NEB: variants seen among roughly 807,000 people sequenced by gnomAD.
The protein encoded by NEB is nebulin, also known as nemaline myopathy type 2.
Under a neutral mutation model 952.2 loss-of-function variants are expected in NEB, and 512 were observed. That is an observed-to-expected ratio of 0.54 (90% CI 0.50 to 0.58). The LOEUF is 0.58. NEB is among the 20% of genes least tolerant of loss of function. The pLI, the probability that NEB is intolerant of heterozygous loss-of-function variation, is 0.00. For synonymous variants in NEB, 2,900 were observed against 3,149.8 expected (o/e 0.92, Z 2.66); for missense variants, 8,428 against 9,231.1 (o/e 0.91, Z 3.56).
At chr2:151,507,884 C>T in intron 162 of NEB, 121 bp downstream of exon 162, 1 of 678,016 alleles carries the variant, frequency 1.5e-6, no homozygotes, top group Non-Finnish European at 2.6e-6. Flanking sequence ...TTTCCTGGGG[C>T]AGGATGGGAG....
chr2:151,568,960 CATT>C (rs1183243033), intron 110 of NEB, among the ~76,000 whole-genome samples: 2 of 152,150 alleles, frequency 1.3e-5, no homozygotes, highest in East Asian at 3.8e-4. Flanking sequence ...TATAATGTAT[CATT>C]ATGTGTACTG....
chr2:151,623,874 C>CA (rs1231296866), intron 71 of NEB, among the ~76,000 whole-genome samples: 6 of 151,570 alleles, frequency 4.0e-5, no homozygotes, highest in African/African-American at 1.2e-4. Context: ...GGCTTCAGGC[C>CA]AAAAAAATAG....
chr2:151,728,085 C>T (rs908254767), intron 4 of NEB, among the ~76,000 whole-genome samples, 179 bp from the exon 5 acceptor site: 1 of 152,182 alleles, frequency 6.6e-6, no homozygotes, highest in Non-Finnish European at 1.5e-5. Flanking sequence ...ACATTATGTA[C>T]ACAAATCTGA....
At position 151,541,532 on chromosome 2, in the gene NEB, C is replaced by T; in HGVS notation, c.20597G>A (p.Gly6866Asp). The change falls in exon 136 of 182, where the codon GGC becomes GAC. Residue 6866 changes from glycine to aspartate, a missense_variant. Physicochemically the swap from Gly to Asp is moderately conservative, Grantham distance 94. This residue lies in a region of NEB where 3,374 missense variants were observed against 3,651.5 expected (regional missense o/e 0.92). Transcript: ENST00000397345. ...AGTAAAGATTGACTTCTGCTTCTTG[C>T]CTGCAGCTCTGTAGACCAGCTAGAC... ...HLSELVYRAA[G>D]KKQKSIFTSV... is the part of the protein sequence containing the mutation. 6.2e-7 allele frequency: 1 copy of T among 1,613,392 alleles called. No homozygotes were observed. The highest frequency in any genetic ancestry group is 1.1e-5 in the South Asian group (1 of 91,006).
chr2:151,562,629 G>A lies in NEB; in HGVS notation c.18873C>T (p.Ala6291=), dbSNP rs1469916121. ...ATCATACATCACTCAAGATCTCCTG[G>A]GCGTTTCGGACGCGTATAACATTGG... ...EEPNVIRVRN[A]QEILSDNVYK... Residue 6291 remains alanine, a synonymous_variant, in exon 120 of 182, where the codon GCC becomes GCT. Transcript: ENST00000397345. 6.3e-7 allele frequency: 1 copy of A among 1,577,670 alleles called. No homozygotes were observed. The highest frequency in any genetic ancestry group is 1.7e-5 in the Admixed American group (1 of 59,112).
chr2:151,560,122 C>G (rs1346537623), intron 124 of NEB, among the ~76,000 whole-genome samples: 1 of 152,014 alleles, frequency 6.6e-6, no homozygotes, highest in Non-Finnish European at 1.5e-5. Context: ...AAAGTTCTAC[C>G]TAAAAAAGGA....
At chr2:151,719,959 G>C (rs866722669) in intron 9 of NEB, among the ~76,000 whole-genome samples, 13 of 151,614 alleles carry the variant, frequency 8.6e-5, no homozygotes, top group Admixed American at 2.0e-4. Context: ...TTCATGGCTG[G>C]TTAAGTCCTT....
intron 68 of NEB, among the ~76,000 whole-genome samples, chr2:151,629,012 G>A (rs1002122688): frequency 7.2e-5 from 11 of 152,128 alleles, no homozygotes; most frequent in South Asian, 2.1e-4. Context: ...TGTTTTCCTC[G>A]TCTTTGTCTT....
At chr2:151,610,151 CCAGTTTTAAAACCA>C (rs1560387884) in intron 80 of NEB, 31 bp from the exon 81 acceptor site, 1 of 1,556,886 alleles carries the variant, frequency 6.4e-7, no homozygotes, top group Non-Finnish European at 8.8e-7. Context: ...GTGGAGACAT[CCAGTTTTAAAACCA>C]TGCTCATGTG....
At chr2:151,659,301 T>A in intron 46 of NEB, 132 bp from the exon 47 acceptor site, 1 of 534,338 alleles carries the variant, frequency 1.9e-6, no homozygotes, top group South Asian at 3.1e-5. Context: ...TTAATTTATT[T>A]ATTTATTATT....
chr2:151,534,235 C>A lies in NEB; in HGVS notation c.21313-689G>T, dbSNP rs988993094. 2 of 1,613,348 alleles carry A rather than the reference C, an allele frequency of 1.2e-6. No homozygotes were observed. Among genetic ancestry groups the A allele is most frequent in the Admixed American group, 3.3e-5 (2 of 60,028 alleles). On this transcript the variant is annotated intron_variant, in intron 142 of 181. Coordinates refer to ENST00000397345, the MANE Select transcript of NEB (RefSeq NM_001164508.2). ...AGTACCTGACTGATCTGGTCGCCTG[C>A]GGTCTTAGCCAGCAGATGTCTAGGC...
At chr2:151,610,687 A>G (rs771124259) in intron 79 of NEB, 64 bp from the exon 80 acceptor site, 4 of 1,576,662 alleles carry the variant, frequency 2.5e-6, no homozygotes, top group Non-Finnish European at 3.5e-6. Context: ...GGCCAATTCC[A>G]GAAAGGAAAT....
chr2:151,541,393 T>C, intron 136 of NEB, 54 bp downstream of exon 136: 1 of 1,413,046 alleles, frequency 7.1e-7, no homozygotes, highest in East Asian at 2.3e-5. Context: ...GCCAGGCACA[T>C]ATAATCACCC....
Position 151,579,439 on chromosome 2 carries a change from C to A in NEB, c.16603G>T (p.Ala5535Ser), listed in dbSNP as rs1207607319. 6.5e-7 allele frequency: 1 copy of A among 1,529,826 alleles called. No homozygotes were observed. Among genetic ancestry groups the A allele is most frequent in the African/African-American group, 1.4e-5 (1 of 71,598 alleles). The allele number at this position is 1,529,826 out of a possible 1,614,324, so 94.8% of individuals were successfully genotyped here. The change falls in exon 105 of 182, where the codon GCA becomes TCA. Residue 5535 changes from alanine to serine, a missense_variant. By Grantham distance (99) the Ala-to-Ser change is moderately conservative (BLOSUM62 1). This residue lies in a region of NEB where 19 missense variants were observed against 49.3 expected (regional missense o/e 0.39). Transcript: ENST00000397345. ...ISAAKEGQAL[A>S]SDVDYRHYLH... The stretch of plus-strand genomic sequence containing the variant: ...TAATGGCGATAGTCCACATCACTTG[C>A]CAGTGCCTGACCTTCTTTGGCAGCG...
Position 151,524,300 on chromosome 2 carries a change from A to G in NEB, c.22479+11T>C, listed in dbSNP as rs747227602. 1 of 1,610,848 alleles carries G rather than the reference A, an allele frequency of 6.2e-7. No homozygotes were observed. Among genetic ancestry groups the G allele is most frequent in the Non-Finnish European group, 8.5e-7 (1 of 1,177,376 alleles). ...TCACATGAGAGCCACCAGTGCACCC[A>G]TCTGCATTACCTGGCTGCTCAGCTT... On this transcript the variant is annotated intron_variant, in intron 153 of 181. Coordinates refer to ENST00000397345, the MANE Select transcript of NEB (RefSeq NM_001164508.2).
At position 151,576,139 on chromosome 2, in the gene NEB, A is replaced by G; in HGVS notation, c.16908+12T>C. On this transcript the variant is annotated intron_variant, in intron 106 of 181. Transcript: ENST00000397345. Reference sequence around the variant, plus strand: ...GCATTAATTCAATTTTAATAGAGAAAAACTAACTCACAATACTAATATTTT... The same window carrying G: ...GCATTAATTCAATTTTAATAGAGAAGAACTAACTCACAATACTAATATTTT... The G allele has an allele frequency of 6.4e-7, 1 of 1,564,982 alleles. No individual in the cohort carries two copies. The highest frequency in any genetic ancestry group is 2.3e-5 in the East Asian group (1 of 44,190).
intron 92 of NEB, among the ~76,000 whole-genome samples, chr2:151,595,490 C>T (rs2097416011): frequency 6.9e-6 from 1 of 145,884 alleles, no homozygotes; most frequent in Non-Finnish European, 1.5e-5. Flanking sequence ...CCAGGCTGGT[C>T]TCGAACTCCT....
Position 151,492,098 on chromosome 2 carries a change from C to G in NEB, c.25057G>C (p.Gly8353Arg), listed in dbSNP as rs765021842. 1 of 1,613,808 alleles carries G rather than the reference C, an allele frequency of 6.2e-7. No individual in the cohort carries two copies. Among genetic ancestry groups the G allele is most frequent in the Non-Finnish European group, 8.5e-7 (1 of 1,179,772 alleles). The change falls in exon 178 of 182, where the codon GGT becomes CGT. Residue 8353 changes from glycine to arginine, a missense_variant and splice_region_variant. Gly to Arg is a moderately radical substitution (Grantham distance 125). Coordinates refer to ENST00000397345, the MANE Select transcript of NEB (RefSeq NM_001164508.2). Reference protein sequence around the residue: ...RNDQDQETITGLRVWRTNPGS... With the variant: ...RNDQDQETITRLRVWRTNPGS... ...CCTCCCCCAACCCAGGCTCAGTTACCTGTAATAGTCTCCTGATCTTGGTCA... is the reference window on the plus strand; with the variant it reads ...CCTCCCCCAACCCAGGCTCAGTTACGTGTAATAGTCTCCTGATCTTGGTCA...
rs779798217 is a variant in NEB, at chr2:151,644,556, T to C, written c.7556A>G (p.Tyr2519Cys). Reference protein sequence around the residue: ...NTSDKLYRMGYEELKRKGYDL... With the variant: ...NTSDKLYRMGCEELKRKGYDL... ...GTAACCTTTTCTCTTCAGCTCCTCA[T>C]AACCCATTCGGTAGAGTTTCTGTTA... The change falls in exon 56 of 182, where the codon TAT becomes TGT. Residue 2519 changes from tyrosine (Y) to cysteine (C), a missense_variant. Transcript: ENST00000397345. The C allele has an allele frequency of 6.2e-7, 1 of 1,613,718 alleles. No individual in the cohort carries two copies. Among genetic ancestry groups the C allele is most frequent in the South Asian group, 1.1e-5 (1 of 91,074 alleles).
Sources: allele counts gnomAD v4.1 joint callset (sites outside exome capture counted in the v4.1 genomes callset), GRCh38; gene constraint gnomAD v4.1.1; regional missense constraint gnomAD v4.1.1; transcripts MANE v1.5; gene names NCBI Gene and HGNC (gene_info 2026-07-23, HGNC 2026-07-21).